Variants in GPIHBP1 observed in about 807,000 individuals in gnomAD.
The protein encoded by GPIHBP1 is glycosylphosphatidylinositol-anchored high density lipoprotein-binding protein 1.
Under a neutral mutation model 13.0 loss-of-function variants are expected in GPIHBP1, and 11 were observed. The observed-to-expected ratio is 0.84, with a 90% CI of 0.53 to 1.40. The LOEUF (loss-of-function observed/expected upper bound fraction) is 1.40. Ranked by LOEUF, GPIHBP1 falls within the 40% of genes most tolerant of loss-of-function variation. The probability of loss-of-function intolerance (pLI) is 0.00; values close to 1 mark genes in which losing one functional copy is unlikely to be tolerated. For synonymous variants in GPIHBP1, 106 were observed against 102.2 expected (o/e 1.04, Z -0.22); for missense variants, 231 against 241.1 (o/e 0.96, Z 0.28).
chr8:143,214,037 C>T lies in GPIHBP1; in HGVS notation c.181+87C>T. ...CTGTGTGATGGAAGCCAGCAGGCCA[C>T]AGTCCTGCTGTGAGCTTGCCTCCAG... On this transcript the variant is annotated intron_variant, in intron 2 of 3. Coordinates refer to ENST00000622500, the MANE Select transcript of GPIHBP1 (RefSeq NM_178172.6). The surrounding 1 kb of genome is among the most constrained non-coding windows in gnomAD (Gnocchi z 4.1). 2 of 1,512,910 alleles carry T rather than the reference C, an allele frequency of 1.3e-6. No individual in the cohort carries two copies. Among genetic ancestry groups the T allele is most frequent in the Non-Finnish European group, 8.9e-7 (1 of 1,117,766 alleles). The allele number at this position is 1,512,910 out of a possible 1,614,324, so 93.7% of individuals were successfully genotyped here. A position where few individuals can be genotyped will look rare whatever the true frequency, so the allele number is the denominator to read the frequency against.
rs566066380 is a variant in GPIHBP1, at chr8:143,215,684, G to A, written c.*166G>A. On this transcript the variant is annotated 3_prime_UTR_variant, in exon 4 of 4. Coordinates refer to ENST00000622500, the MANE Select transcript of GPIHBP1 (RefSeq NM_178172.6). Reference sequence around the variant, plus strand: ...CGGCCCGGTTGCTTCCTCAGTTCCCGGCTGTGTCCTTGGTGTCCTTTCTCC... The same window carrying A: ...CGGCCCGGTTGCTTCCTCAGTTCCCAGCTGTGTCCTTGGTGTCCTTTCTCC... 8.2e-4 allele frequency: 519 copies of A among 632,134 alleles called. 6 individuals carry two copies. In the South Asian group the frequency reaches 9.4e-3, roughly 12 times the overall value. The allele number at this position is 632,134 out of a possible 1,614,324, so 39.2% of individuals were successfully genotyped here.
intron 1 of GPIHBP1, 145 bp from the exon 2 acceptor site, chr8:143,213,677 T>C (rs2130670770): frequency 2.5e-6 from 2 of 811,090 alleles, no homozygotes. Flanking sequence ...GTGAGTAGGG[T>C]GTTCAGGGTA....
chr8:143,213,687 AGGGGCCCTCCCCAGCCACCCT>A (rs1024396224), intron 1 of GPIHBP1, 114 bp from the exon 2 acceptor site: 13 of 1,090,720 alleles, frequency 1.2e-5, no homozygotes, highest in Admixed American at 2.6e-5. Flanking sequence ...TGTTCAGGGT[AGGGGCCCTCCCCAGCCACCCT>A]GGGGCCCGAG....
chr8:143,214,971 C>G lies in GPIHBP1; in HGVS notation c.182-42C>G, dbSNP rs999099101. 1 of 1,389,770 alleles carries G rather than the reference C, an allele frequency of 7.2e-7. No individual in the cohort carries two copies. The highest frequency in any genetic ancestry group is 1.4e-5 in the African/African-American group (1 of 69,860). 86.1% of individuals were successfully genotyped at this position (1,389,770 alleles called of 1,614,324 possible). On this transcript the variant is annotated intron_variant, in intron 2 of 3. Coordinates refer to ENST00000622500, the MANE Select transcript of GPIHBP1 (RefSeq NM_178172.6). The surrounding 1 kb of genome is among the most constrained non-coding windows in gnomAD (Gnocchi z 4.1). ...GGTGGACAGGGACGTGGGAGGAGAC[C>G]CTGGGGGGCCCGGCCTCGGCCTGAG...
chr8:143,213,657 AGTGAGTAGG>A (rs1381036601), intron 1 of GPIHBP1, among the ~76,000 whole-genome samples, 156 bp from the exon 2 acceptor site: 6 of 77,892 alleles, frequency 7.7e-5, no homozygotes, highest in Non-Finnish European at 1.7e-4. Context: ...GCTGCAGGAC[AGTGAGTAGG>A]GTGAGTAGGG....
chr8:143,213,853 A>C lies in GPIHBP1; in HGVS notation c.84A>C (p.Glu28Asp), dbSNP rs777967947. The change falls in exon 2 of 4, where the codon GAA becomes GAC. Residue 28 changes from glutamate to aspartate, a missense_variant. Coordinates refer to ENST00000622500, the MANE Select transcript of GPIHBP1 (RefSeq NM_178172.6). Reference sequence around the variant, plus strand: ...GGCAGACACAGCAGGAGGAAGAGGAAGAGGACGAGGACCACGGGCCAGATG... The same window carrying C: ...GGCAGACACAGCAGGAGGAAGAGGACGAGGACGAGGACCACGGGCCAGATG... Reference protein sequence around the residue: ...GRGQTQQEEEEEDEDHGPDDY... With the variant: ...GRGQTQQEEEDEDEDHGPDDY... 2.6e-6 allele frequency: 4 copies of C among 1,559,270 alleles called. No individual in the cohort carries two copies. The highest frequency in any genetic ancestry group is 1.2e-5 in the South Asian group (1 of 84,588).
chr8:143,214,890 A>G lies in GPIHBP1; in HGVS notation c.182-123A>G. 1.5e-6 allele frequency: 1 copy of G among 684,754 alleles called. No individual in the cohort carries two copies. Among genetic ancestry groups the G allele is most frequent in the Non-Finnish European group, 2.6e-6 (1 of 388,392 alleles). The allele number at this position is 684,754 out of a possible 1,614,324, so 42.4% of individuals were successfully genotyped here. On this transcript the variant is annotated intron_variant, in intron 2 of 3. Coordinates refer to ENST00000622500, the MANE Select transcript of GPIHBP1 (RefSeq NM_178172.6). The surrounding 1 kb of genome is among the most constrained non-coding windows in gnomAD (Gnocchi z 4.1). Reference sequence around the variant, plus strand: ...TCAGGGGTCGCCCGCCCATCTGAGCAGTGGGTGCTGGAGGCTCACCAGGCT... The same window carrying G: ...TCAGGGGTCGCCCGCCCATCTGAGCGGTGGGTGCTGGAGGCTCACCAGGCT...
chr8:143,214,874 G>A lies in GPIHBP1; in HGVS notation c.182-139G>A, dbSNP rs1310572276. ...AGCTTACAGGACCAAGTCAGGGGTCGCCCGCCCATCTGAGCAGTGGGTGCT... is the reference window on the plus strand; with the variant it reads ...AGCTTACAGGACCAAGTCAGGGGTCACCCGCCCATCTGAGCAGTGGGTGCT... On this transcript the variant is annotated intron_variant, in intron 2 of 3. Coordinates refer to ENST00000622500, the MANE Select transcript of GPIHBP1 (RefSeq NM_178172.6). This position sits in a 1 kb window ranked among gnomAD's most constrained non-coding sequence, Gnocchi z 4.1. 6 of 643,848 alleles carry A rather than the reference G, an allele frequency of 9.3e-6. No individual in the cohort carries two copies. Among genetic ancestry groups the A allele is most frequent in the East Asian group, 2.7e-5 (1 of 36,674 alleles). The allele number at this position is 643,848 out of a possible 1,614,324, so 39.9% of individuals were successfully genotyped here.
rs536044071 is a variant in GPIHBP1 at position 143,214,959 on chromosome 8, G to A, written c.182-54G>A. ...TGAGAACGGGGAGGTGGACAGGGAC[G>A]TGGGAGGAGACCCTGGGGGGCCCGG... On this transcript the variant is annotated intron_variant, in intron 2 of 3. Coordinates refer to ENST00000622500, the MANE Select transcript of GPIHBP1 (RefSeq NM_178172.6). This position sits in a 1 kb window ranked among gnomAD's most constrained non-coding sequence, Gnocchi z 4.1. 22 of 1,219,348 alleles carry A rather than the reference G, an allele frequency of 1.8e-5. No homozygotes were observed. The highest frequency in any genetic ancestry group is 1.4e-4 in the South Asian group (11 of 77,242). The allele number at this position is 1,219,348 out of a possible 1,614,324, so 75.5% of individuals were successfully genotyped here. A position where few individuals can be genotyped will look rare whatever the true frequency, so the allele number is the denominator to read the frequency against.
rs1816296783 is a variant in GPIHBP1, at chr8:143,215,636, C to T, written c.*118C>T. On this transcript the variant is annotated 3_prime_UTR_variant, in exon 4 of 4. Transcript: ENST00000622500. ...GAGAATGGATTTGGAGTGTCTTGGG[C>T]GATCCAGCCAGCGCAGGCCCCCCGG... 1.3e-5 allele frequency: 12 copies of T among 927,238 alleles called. No individual in the cohort carries two copies. Among genetic ancestry groups the T allele is most frequent in the South Asian group, 1.7e-5 (1 of 59,002 alleles). 57.4% of individuals were successfully genotyped at this position (927,238 alleles called of 1,614,324 possible).
Position 143,216,566 on chromosome 8 carries a change from G to A in GPIHBP1, c.*1048G>A, listed in dbSNP as rs1331943733. The stretch of plus-strand genomic sequence containing the variant: ...CTGCAGCTTCCTGCAGAGGAAGCAG[G>A]ACTGGGTAGCAGAGCCGGGAAGGTG... On this transcript the variant is annotated 3_prime_UTR_variant, in exon 4 of 4. Transcript: ENST00000622500. 1.3e-5 allele frequency: 2 copies of A among 152,308 alleles called. No homozygotes were observed. The highest frequency in any genetic ancestry group is 4.8e-5 in the African/African-American group (2 of 41,448). The allele number at this position is 152,308 out of a possible 1,614,324, so 9.4% of individuals were successfully genotyped here.
rs770221336 is a variant in GPIHBP1 at position 143,215,397 on chromosome 8, G to A, written c.434G>A (p.Arg145Gln). ...LCNVPPWQSS[R>Q]VQDPTGKGAG... Reference sequence around the variant, plus strand: ...AATGTCCCACCCTGGCAAAGCTCCCGAGTCCAGGACCCAACAGGCAAGGGG... The same window carrying A: ...AATGTCCCACCCTGGCAAAGCTCCCAAGTCCAGGACCCAACAGGCAAGGGG... Residue 145 changes from arginine (R) to glutamine (Q), a missense_variant, in exon 4 of 4, where the codon CGA becomes CAA. Transcript: ENST00000622500. 16 of 1,612,748 alleles carry A rather than the reference G, an allele frequency of 9.9e-6. No individual in the cohort carries two copies. The highest frequency in any genetic ancestry group is 8.3e-5 in the Admixed American group (5 of 59,994).
In GPIHBP1 at chr8:143,215,008, C is replaced by T. The variant is rs759437603; in HGVS notation, c.182-5C>T. Reference sequence around the variant, plus strand: ...GGCCTCGGCCTGAGCCCGCCTTGTCCCCAGTGCTGCTGCGGTGCTACACCT... The same window carrying T: ...GGCCTCGGCCTGAGCCCGCCTTGTCTCCAGTGCTGCTGCGGTGCTACACCT... On this transcript the variant is annotated splice_polypyrimidine_tract_variant and splice_region_variant and intron_variant, in intron 2 of 3. Transcript: ENST00000622500. The T allele has an allele frequency of 1.9e-6, 3 of 1,559,744 alleles. No individual in the cohort carries two copies. Among genetic ancestry groups the T allele is most frequent in the Admixed American group, 3.8e-5 (2 of 52,502 alleles).
Position 143,213,884 on chromosome 8 carries a change from GA to G in GPIHBP1, c.116del (p.Asp39AlafsTer41). 6.4e-7 allele frequency: 1 copy of G among 1,552,678 alleles called. No individual in the cohort carries two copies. The highest frequency in any genetic ancestry group is 8.7e-7 in the Non-Finnish European group (1 of 1,147,656). The stretch of plus-strand genomic sequence containing the variant: ...CGAGGACCACGGGCCAGATGACTAC[GA>G]CGAGGAAGATGAGGATGAGGTGGAA... ...EDEDHGPDDY[D>X]EEDEDEVEEE... On this transcript the variant is annotated frameshift_variant, in exon 2 of 4. Transcript: ENST00000622500. LOFTEE classifies it high-confidence loss of function.
Position 143,216,265 on chromosome 8 carries a change from C to T in GPIHBP1, c.*747C>T, listed in dbSNP as rs1816310152. ...CAGATGCTGGGTGGGTGCCTGTCAC[C>T]TTGAGGTGACCATCTAGGGTCAGTA... On this transcript the variant is annotated 3_prime_UTR_variant, in exon 4 of 4. Coordinates refer to ENST00000622500, the MANE Select transcript of GPIHBP1 (RefSeq NM_178172.6). 1 of 149,584 alleles carries T rather than the reference C, an allele frequency of 6.7e-6. No homozygotes were observed. The highest frequency in any genetic ancestry group is 2.1e-4 in the South Asian group (1 of 4,666). 9.3% of individuals were successfully genotyped at this position (149,584 alleles called of 1,614,324 possible).
rs756748449 is a variant in GPIHBP1, at chr8:143,215,524, G to A, written c.*6G>A. 8.9e-6 allele frequency: 14 copies of A among 1,573,280 alleles called. No homozygotes were observed. In the East Asian group the frequency reaches 9.3e-5, roughly 10 times the overall value. On this transcript the variant is annotated 3_prime_UTR_variant, in exon 4 of 4. Transcript: ENST00000622500. Reference sequence around the variant, plus strand: ...TGGGGGCCAGGAGACCCTGACCCACGGCCCCTCCCCACCCCCACCCGGCTC... The same window carrying A: ...TGGGGGCCAGGAGACCCTGACCCACAGCCCCTCCCCACCCCCACCCGGCTC...
At position 143,215,186 on chromosome 8, in the gene GPIHBP1, G is replaced by A. The variant is rs1019027365; in HGVS notation, c.295+60G>A. 50 of 1,610,748 alleles carry A rather than the reference G, an allele frequency of 3.1e-5. 1 individual carries two copies. Among genetic ancestry groups the A allele is most frequent in the South Asian group, 1.9e-4 (17 of 91,034 alleles). The stretch of plus-strand genomic sequence containing the variant: ...CAGGCGGCGGGAAAGCCAGGGGCCC[G>A]GAACAGAGCCCTGCAGAGCCACCTC... On this transcript the variant is annotated intron_variant, in intron 3 of 3. Transcript: ENST00000622500.
At position 143,213,690 on chromosome 8, in the gene GPIHBP1, G is replaced by A. The variant is rs1816255656; in HGVS notation, c.53-132G>A. On this transcript the variant is annotated intron_variant, in intron 1 of 3. Coordinates refer to ENST00000622500, the MANE Select transcript of GPIHBP1 (RefSeq NM_178172.6). ...GGGTGAGTAGGGTGTTCAGGGTAGG[G>A]GCCCTCCCCAGCCACCCTGGGGCCC... The A allele has an allele frequency of 2.5e-6, 3 of 1,202,056 alleles. No homozygotes were observed. The East Asian group carries it at 7.8e-5, about 31-fold the overall frequency. The allele number at this position is 1,202,056 out of a possible 1,614,324, so 74.5% of individuals were successfully genotyped here.
chr8:143,215,418 AG>A lies in GPIHBP1; in HGVS notation c.460del (p.Ala154GlnfsTer99). ...QSSRVQDPTG[K>X]GAGGPRGSSE... Reference sequence around the variant, plus strand: ...TCCCGAGTCCAGGACCCAACAGGCAAGGGGGCAGGCGGCCCCCGGGGCAGCT... The same window carrying A: ...TCCCGAGTCCAGGACCCAACAGGCAAGGGGCAGGCGGCCCCCGGGGCAGCT... On this transcript the variant is annotated frameshift_variant, in exon 4 of 4. Transcript: ENST00000622500. LOFTEE classifies it low-confidence loss of function (END_TRUNC). 1 of 1,612,744 alleles carries A rather than the reference AG, an allele frequency of 6.2e-7. No individual in the cohort carries two copies. Among genetic ancestry groups the A allele is most frequent in the Non-Finnish European group, 8.5e-7 (1 of 1,179,958 alleles).
Sources: allele counts gnomAD v4.1 joint callset (sites outside exome capture counted in the v4.1 genomes callset), GRCh38; gene constraint gnomAD v4.1.1; non-coding constraint Gnocchi (gnomAD v3.1); transcripts MANE v1.5; gene names NCBI Gene and HGNC (gene_info 2026-07-23, HGNC 2026-07-21).